OPA3: variants seen among roughly 807,000 people sequenced by gnomAD.
OPA3 encodes optic atrophy 3 protein.
OPA3 carries 6 observed loss-of-function variants against 4.0 expected under a neutral mutation model. That is an observed-to-expected ratio of 1.51 (90% confidence interval 0.83 to 2.99). OPA3 has a LOEUF of 2.99. OPA3 is among the 30% of genes most tolerant of loss of function. OPA3 has a pLI of 0.00. For missense variants in OPA3, 235 were observed against 256.2 expected (o/e 0.92, Z 0.56); for synonymous variants, 105 against 117.1 (o/e 0.90, Z 0.67).
At position 45,551,752 on chromosome 19, in the gene OPA3, A is replaced by G. The variant is rs1599961100; in HGVS notation, c.*1762T>C. The G allele has an allele frequency of 2.0e-6, 2 of 985,580 alleles. No individual in the cohort carries two copies. Among genetic ancestry groups the G allele is most frequent in the Non-Finnish European group, 2.4e-6 (2 of 830,040 alleles). 61.1% of individuals were successfully genotyped at this position (985,580 alleles called of 1,614,324 possible). On this transcript the variant is annotated 3_prime_UTR_variant, in exon 2 of 2. Transcript: ENST00000263275. ...TAGGATGGGGGTGGGACCGGGGGCT[A>G]TGGAGGCAGGAGGGTACTGCTACAT...
At chr19:45,573,686 A>G (rs1396410834) in intron 1 of OPA3, among the ~76,000 whole-genome samples, 1 of 152,160 alleles carries the variant, frequency 6.6e-6, no homozygotes, top group African/African-American at 2.4e-5. Context: ...AACAGTAAAC[A>G]GTAAACACTG....
chr19:45,563,564 TTTTTG>T (rs1969537085), intron 1 of OPA3, among the ~76,000 whole-genome samples: 1 of 151,202 alleles, frequency 6.6e-6, no homozygotes, highest in Non-Finnish European at 1.5e-5. Context: ...TTGTTTTTTG[TTTTTG>T]TTTTGAGACA....
At position 45,570,862 on chromosome 19, in the gene OPA3, C is replaced by CAA. The variant is rs551869767; in HGVS notation, c.142+13759_142+13760dup. ...TGGGCGACAGAGTGAGACTCTGTCT[C>CAA]AAAAAAAAAAAAAAAAATTCAAAGC... On this transcript the variant is annotated intron_variant, in intron 1 of 1. Coordinates refer to ENST00000263275, the MANE Select transcript of OPA3 (RefSeq NM_025136.4). Among the ~76,000 whole-genome samples, 477 of 67,738 alleles carry CAA rather than the reference C, an allele frequency of 7.0e-3. 4 individuals carry two copies. The highest frequency in any genetic ancestry group is 0.022 in the African/African-American group (449 of 20,186). 44.4% of individuals were successfully genotyped at this position (67,738 alleles called of 152,430 possible).
chr19:45,560,165 C>T (rs779162181), intron 1 of OPA3, among the ~76,000 whole-genome samples: 1 of 152,092 alleles, frequency 6.6e-6, no homozygotes, highest in East Asian at 1.9e-4. Flanking sequence ...TCCCTGAACT[C>T]TCTCCCTCCA....
chr19:45,563,401 A>G (rs1267467455), intron 1 of OPA3, among the ~76,000 whole-genome samples: 1 of 151,248 alleles, frequency 6.6e-6, no homozygotes, highest in African/African-American at 2.4e-5. Context: ...CTTGTGATCC[A>G]CCCGCCTCGG....
At chr19:45,541,511 G>A (rs555145033), downstream of OPA3, among the ~76,000 whole-genome samples, 2 of 152,234 alleles carry the variant, frequency 1.3e-5, no homozygotes, top group South Asian at 4.2e-4. Context: ...TTTGAGACTA[G>A]CCTGGGCAAC....
intron 1 of OPA3, among the ~76,000 whole-genome samples, chr19:45,581,361 T>C (rs1487748072): frequency 6.6e-6 from 1 of 152,146 alleles, no homozygotes; most frequent in Admixed American, 6.5e-5. Context: ...TGCTCCTCCC[T>C]CTGCCCCAGT....
At chr19:45,574,454 G>A (rs1969738705) in intron 1 of OPA3, among the ~76,000 whole-genome samples, 1 of 151,292 alleles carries the variant, frequency 6.6e-6, no homozygotes, top group Non-Finnish European at 1.5e-5. Context: ...CCTGTAGCCT[G>A]TAGTAGCAAC....
intron 1 of OPA3, among the ~76,000 whole-genome samples, chr19:45,568,685 A>C (rs867088664): frequency 6.6e-6 from 1 of 151,800 alleles, no homozygotes; most frequent in South Asian, 2.1e-4. Flanking sequence ...ATCCTGGGGG[A>C]TCCTATCTCC....
chr19:45,567,985 A>G (rs1969607999), intron 1 of OPA3, among the ~76,000 whole-genome samples: 1 of 152,094 alleles, frequency 6.6e-6, no homozygotes, highest in Non-Finnish European at 1.5e-5. Context: ...TCAGATGATG[A>G]TGATGATGAC....
intron 1 of OPA3, among the ~76,000 whole-genome samples, chr19:45,556,897 T>TC (rs985874308): frequency 1.3e-5 from 2 of 151,782 alleles, no homozygotes; most frequent in East Asian, 1.9e-4. Flanking sequence ...TGATCTGGGG[T>TC]CCCCCCGGGG....
exon 2 of OPA3, chr19:45,527,883 CAT>C (rs1476038488): frequency 6.6e-6 from 1 of 152,208 alleles, no homozygotes; most frequent in Admixed American, 6.5e-5. Context: ...GTGGGTAGGT[CAT>C]ATGGCCTGGT....
intron 1 of OPA3, among the ~76,000 whole-genome samples, chr19:45,564,360 C>G (rs933799288): frequency 6.6e-6 from 1 of 152,148 alleles, no homozygotes; most frequent in African/African-American, 2.4e-5. Context: ...GCAGAAGGAA[C>G]TGGAGACTAG....
In OPA3 at chr19:45,552,335, G is replaced by A. The variant is rs1969345813; in HGVS notation, c.*1179C>T. On this transcript the variant is annotated 3_prime_UTR_variant, in exon 2 of 2. Transcript: ENST00000263275. ...CAATTCTCCTGTCTCAGCCTCCCAAGTAGCTGGGATTACAGGTGCATGCCA... is the reference window on the plus strand; with the variant it reads ...CAATTCTCCTGTCTCAGCCTCCCAAATAGCTGGGATTACAGGTGCATGCCA... 2 of 309,914 alleles carry A rather than the reference G, an allele frequency of 6.5e-6. No homozygotes were observed. Among genetic ancestry groups the A allele is most frequent in the East Asian group, 1.7e-4 (1 of 5,794 alleles). 19.2% of individuals were successfully genotyped at this position (309,914 alleles called of 1,614,324 possible). A position where few individuals can be genotyped will look rare whatever the true frequency, so the allele number is the denominator to read the frequency against.
chr19:45,561,318 A>C (rs1969499051), intron 1 of OPA3, among the ~76,000 whole-genome samples: 1 of 151,964 alleles, frequency 6.6e-6, no homozygotes, highest in Non-Finnish European at 1.5e-5. Flanking sequence ...GGGCAACAAG[A>C]GCAAAACTCC....
intron 1 of OPA3, among the ~76,000 whole-genome samples, chr19:45,559,734 A>G (rs1269276143): frequency 1.3e-5 from 2 of 151,600 alleles, no homozygotes; most frequent in Non-Finnish European, 2.9e-5. Flanking sequence ...TCTTTTCCCA[A>G]TTCTTCTTTT....
At chr19:45,565,139 TAGG>T (rs766940074) in intron 1 of OPA3, among the ~76,000 whole-genome samples, 18 of 149,204 alleles carry the variant, frequency 1.2e-4, no homozygotes, top group African/African-American at 4.4e-4. Flanking sequence ...GAGGCTGAGG[TAGG>T]AGAATTGCTT....
chr19:45,553,747 G>A lies in OPA3; in HGVS notation c.307C>T (p.Arg103Cys), dbSNP rs763353585. 3 of 1,611,582 alleles carry A rather than the reference G, an allele frequency of 1.9e-6. No homozygotes were observed. In the African/African-American group the frequency reaches 4.0e-5, roughly 22 times the overall value. ...TTGTGGCGCTGCTGCGCCTGGTGGC[G>A]CCAGTACTCCAGCACTAGGCAGCCG... ...GGGCLVLEYWRHQAQQRHKEE... is the reference protein window; with the variant it reads ...GGGCLVLEYWCHQAQQRHKEE... Residue 103 changes from arginine to cysteine, a missense_variant, in exon 2 of 2, where the codon CGC (arginine) becomes TGC (cysteine). Transcript: ENST00000263275.
rs1355610160 is a variant in OPA3, at chr19:45,584,441, C to G, written c.142+182G>C. ...GGCTCCTTGACCCGCCCCTTACGCCCCGCCCCGCCCTCACTACTGGGCCAC... is the reference window on the plus strand; with the variant it reads ...GGCTCCTTGACCCGCCCCTTACGCCGCGCCCCGCCCTCACTACTGGGCCAC... On this transcript the variant is annotated intron_variant, in intron 1 of 1. Coordinates refer to ENST00000263275, the MANE Select transcript of OPA3 (RefSeq NM_025136.4). 4 of 985,144 alleles carry G rather than the reference C, an allele frequency of 4.1e-6. No individual in the cohort carries two copies. The East Asian group carries it at 3.4e-4, about 84-fold the overall frequency. The allele number at this position is 985,144 out of a possible 1,614,324, so 61.0% of individuals were successfully genotyped here.
Sources: gnomAD v4.1 joint callset for allele counts (sites outside exome capture counted in the v4.1 genomes callset) on GRCh38, gnomAD v4.1.1 for gene constraint, MANE v1.5 for transcripts, NCBI Gene and HGNC (gene_info 2026-07-23, HGNC 2026-07-21) for gene names.